KAT2B: variants seen among roughly 807,000 people sequenced by gnomAD.
The protein encoded by KAT2B is histone acetyltransferase KAT2B.
In KAT2B, 36 loss-of-function variants were observed where a neutral mutation model predicts 105.9. That is an observed-to-expected ratio of 0.34 (90% CI 0.26 to 0.45). KAT2B has a LOEUF of 0.45. KAT2B is among the 20% of genes least tolerant of loss of function. The probability of loss-of-function intolerance (pLI) is 1.00; values close to 1 mark genes in which losing one functional copy is unlikely to be tolerated. For synonymous variants in KAT2B, 397 were observed against 377.9 expected (o/e 1.05, Z -0.59); for missense variants, 820 against 1,021.6 (o/e 0.80, Z 2.69).
At chr3:20,071,838 T>C (rs1698329015) in intron 1 of KAT2B, among the ~76,000 whole-genome samples, 1 of 152,222 alleles carries the variant, frequency 6.6e-6, no homozygotes, top group Non-Finnish European at 1.5e-5. Context: ...CAGCTGGGTG[T>C]GCCCCGTCTC....
intron 3 of KAT2B, among the ~76,000 whole-genome samples, chr3:20,098,290 G>A (rs1159501290): frequency 6.6e-6 from 1 of 151,630 alleles, no homozygotes; most frequent in East Asian, 1.9e-4. Flanking sequence ...GGAAAGCTGC[G>A]TCCTAAAGTT....
chr3:20,054,592 C>T (rs1018679280), intron 1 of KAT2B, among the ~76,000 whole-genome samples: 1 of 152,168 alleles, frequency 6.6e-6, no homozygotes, highest in Non-Finnish European at 1.5e-5. Flanking sequence ...AGTCCCCATG[C>T]GTTGTGTACT....
intron 4 of KAT2B, among the ~76,000 whole-genome samples, chr3:20,100,534 T>C (rs912861759): frequency 6.6e-6 from 1 of 152,168 alleles, no homozygotes; most frequent in Admixed American, 6.5e-5. Flanking sequence ...CTTTGATTGT[T>C]TGGCTAAACA....
At chr3:20,119,752 G>T in intron 8 of KAT2B, 29 bp downstream of exon 8, 1 of 1,611,446 alleles carries the variant, frequency 6.2e-7, no homozygotes, top group Non-Finnish European at 8.5e-7. Context: ...ATAAGAGAGG[G>T]CTGTGACTTG....
intron 6 of KAT2B, among the ~76,000 whole-genome samples, chr3:20,114,424 G>A (rs563497266): frequency 2.2e-4 from 34 of 152,270 alleles, no homozygotes; most frequent in Admixed American, 2.2e-3. Context: ...ATATATGTGC[G>A]TGACAAATAA....
intron 4 of KAT2B, 27 bp from the exon 5 acceptor site, chr3:20,101,260 G>T (rs1403983412): frequency 6.2e-7 from 1 of 1,602,470 alleles, no homozygotes. Context: ...ATAGCTGCAT[G>T]AAGAAATTGC....
rs1697693004 is a variant in KAT2B, at chr3:20,040,541, C to CCGGGT, written c.65_66insGGGTC (p.Ala24ProfsTer56). On this transcript the variant is annotated frameshift_variant, in exon 1 of 18. Transcript: ENST00000263754. LOFTEE classifies it high-confidence loss of function. ...GGCAGGAGCCGGGGCAGGGGCCGGG[C>CCGGGT]CCGGGGCGCTGCCCCCGCAGCCTGC... The CCGGGT allele has an allele frequency of 2.0e-6, 2 of 1,006,904 alleles. No homozygotes were observed. Among genetic ancestry groups the CCGGGT allele is most frequent in the African/African-American group, 3.5e-5 (2 of 57,596 alleles). The allele number at this position is 1,006,904 out of a possible 1,614,324, so 62.4% of individuals were successfully genotyped here.
At chr3:20,079,071 A>T (rs1698472402) in intron 2 of KAT2B, among the ~76,000 whole-genome samples, 1 of 149,456 alleles carries the variant, frequency 6.7e-6, no homozygotes, top group Non-Finnish European at 1.5e-5. Flanking sequence ...TATTATTATT[A>T]TTATTTTTTA....
chr3:20,092,898 C>T (rs1389302429), intron 2 of KAT2B, among the ~76,000 whole-genome samples: 1 of 152,000 alleles, frequency 6.6e-6, no homozygotes, highest in African/African-American at 2.4e-5. Context: ...GATGGGGTTT[C>T]ACCATATTGG....
intron 11 of KAT2B, among the ~76,000 whole-genome samples, chr3:20,131,473 C>T (rs985678008): frequency 2.0e-5 from 3 of 152,176 alleles, no homozygotes; most frequent in Admixed American, 6.5e-5. Context: ...CATGGAAGCA[C>T]TTCTTCAATA....
intron 3 of KAT2B, among the ~76,000 whole-genome samples, chr3:20,095,872 C>G (rs1392841541): frequency 6.6e-6 from 1 of 152,084 alleles, no homozygotes; most frequent in South Asian, 2.1e-4. Context: ...ATCAGAATGG[C>G]AGGGATGGTG....
chr3:20,040,883 C>T lies in KAT2B; in HGVS notation c.303+103C>T, dbSNP rs1697704703. ...CACCTCCGCCTCCCGCCTCCTGCCTCTCGCCTCCCGCCTGGGGCCGCTGCA... is the reference window on the plus strand; with the variant it reads ...CACCTCCGCCTCCCGCCTCCTGCCTTTCGCCTCCCGCCTGGGGCCGCTGCA... On this transcript the variant is annotated intron_variant, in intron 1 of 17. Coordinates refer to ENST00000263754, the MANE Select transcript of KAT2B (RefSeq NM_003884.5). 20 of 1,340,836 alleles carry T rather than the reference C, an allele frequency of 1.5e-5. 1 individual carries two copies. The South Asian group carries it at 1.9e-4, about 12-fold the overall frequency. The allele number at this position is 1,340,836 out of a possible 1,614,324, so 83.1% of individuals were successfully genotyped here. A position where few individuals can be genotyped will look rare whatever the true frequency, so the allele number is the denominator to read the frequency against.
chr3:20,082,385 A>T (rs2365362), intron 2 of KAT2B, among the ~76,000 whole-genome samples: 17,491 of 152,126 alleles, frequency 0.11, 1,151 homozygotes, highest in East Asian at 0.24. Context: ...AGTAAATTTA[A>T]CATTAATATA....
chr3:20,046,932 C>T (rs1697821267), intron 1 of KAT2B, among the ~76,000 whole-genome samples: 1 of 152,118 alleles, frequency 6.6e-6, no homozygotes, highest in African/African-American at 2.4e-5. Context: ...TGCTATACAT[C>T]CCACAATGCA....
chr3:20,138,247 C>T (rs1213760671), intron 12 of KAT2B, among the ~76,000 whole-genome samples: 2 of 151,970 alleles, frequency 1.3e-5, no homozygotes, highest in African/African-American at 4.8e-5. Flanking sequence ...CAGCTCATAC[C>T]TATGCTGTTA....
chr3:20,110,658 G>A (rs1192700160), intron 5 of KAT2B, among the ~76,000 whole-genome samples: 3 of 137,176 alleles, frequency 2.2e-5, no homozygotes, highest in Admixed American at 7.7e-5. Context: ...TGGTGACACA[G>A]TGAGACCCTG....
At chr3:20,142,965 G>A (rs538708147) in intron 13 of KAT2B, among the ~76,000 whole-genome samples, 2 of 147,038 alleles carry the variant, frequency 1.4e-5, no homozygotes, top group South Asian at 4.5e-4. Context: ...GGGGGGATAA[G>A]TTCTTAAATC....
Position 20,063,534 on chromosome 3 carries a change from CTTTTTTTTTT to C in KAT2B, c.304-8778_304-8769del, listed in dbSNP as rs36058009. Among the ~76,000 whole-genome samples, 17 of 88,834 alleles carry C rather than the reference CTTTTTTTTTT, an allele frequency of 1.9e-4. 1 individual carries two copies. Among genetic ancestry groups the C allele is most frequent in the Non-Finnish European group, 2.6e-4 (12 of 45,366 alleles). 58.3% of individuals were successfully genotyped at this position (88,834 alleles called of 152,430 possible). On this transcript the variant is annotated intron_variant, in intron 1 of 17. Coordinates refer to ENST00000263754, the MANE Select transcript of KAT2B (RefSeq NM_003884.5). Reference sequence around the variant, plus strand: ...CTCACAGCAACTTCTGAGTAGGCCTCTTTTTTTTTTTTTTTTTTTTTTTTTTTTTTGAGAT... The same window carrying C: ...CTCACAGCAACTTCTGAGTAGGCCTCTTTTTTTTTTTTTTTTTTTTGAGAT...
At chr3:20,066,838 G>A (rs528536467) in intron 1 of KAT2B, among the ~76,000 whole-genome samples, 3 of 151,466 alleles carry the variant, frequency 2.0e-5, no homozygotes, top group African/African-American at 4.8e-5. Context: ...ATTATAATAT[G>A]TAATCAATAT....
Sources: allele counts gnomAD v4.1 joint callset (sites outside exome capture counted in the v4.1 genomes callset), GRCh38; gene constraint gnomAD v4.1.1; transcripts MANE v1.5; gene names NCBI Gene and HGNC (gene_info 2026-07-23, HGNC 2026-07-21).